LRRC4C: variants seen among roughly 807,000 people sequenced by gnomAD.
LRRC4C encodes leucine rich repeat containing 4C.
LRRC4C carries 5 observed loss-of-function variants against 33.6 expected under a neutral mutation model. That is an observed-to-expected ratio of 0.15 (90% CI 0.08 to 0.31). LRRC4C has a LOEUF of 0.31. Among genes scored for constraint, LRRC4C ranks in the 10% least tolerant of loss-of-function variants. The pLI is 1.00. For synonymous variants in LRRC4C, 329 were observed against 302.0 expected (o/e 1.09, Z -0.93); for missense variants, 560 against 796.7 (o/e 0.70, Z 3.58).
rs115537322 is a variant in LRRC4C, at chr11:41,284,964, C to G, written c.-496+174467G>C. On this transcript the variant is annotated intron_variant, in intron 1 of 6. Transcript: ENST00000528697. ...ACGGCTAAGGCAGGGGATTAGGGCTCTAATCATTTAGTTTCATCTAATTGG... is the reference window on the plus strand; with the variant it reads ...ACGGCTAAGGCAGGGGATTAGGGCTGTAATCATTTAGTTTCATCTAATTGG... 5.5e-3 allele frequency among the ~76,000 whole-genome samples: 835 copies of G among 152,256 alleles called. 9 individuals carry two copies. Among genetic ancestry groups the G allele is most frequent in the African/African-American group, 0.019 (777 of 41,542 alleles).
chr11:41,036,400 C>G (rs1303354491), intron 1 of LRRC4C, among the ~76,000 whole-genome samples: 1 of 151,744 alleles, frequency 6.6e-6, no homozygotes, highest in Non-Finnish European at 1.5e-5. Context: ...CACTTTCTTC[C>G]TTTCTCTCAG....
In LRRC4C at chr11:41,002,589, C is replaced by A. The variant is rs565546596; in HGVS notation, c.-495-68866G>T. ...GTAGTGAGAAAGAGCTAAAAATCAC[C>A]AAATTAAGGCCAGAATTACAAATAA... On this transcript the variant is annotated intron_variant, in intron 1 of 6. Transcript: ENST00000528697. 2.8e-4 allele frequency among the ~76,000 whole-genome samples: 42 copies of A among 152,248 alleles called. 1 individual carries two copies. In the South Asian group the frequency reaches 8.5e-3, roughly 31 times the overall value.
intron 5 of LRRC4C, among the ~76,000 whole-genome samples, chr11:40,191,051 GTACT>G (rs1200880586): frequency 6.6e-6 from 1 of 152,140 alleles, no homozygotes; most frequent in African/African-American, 2.4e-5. Context: ...TATTACTTGA[GTACT>G]TACTTAGCAT....
At chr11:40,626,770 T>C (rs1962967666) in intron 3 of LRRC4C, among the ~76,000 whole-genome samples, 1 of 152,182 alleles carries the variant, frequency 6.6e-6, no homozygotes, top group Admixed American at 6.5e-5. Flanking sequence ...AGTGATTTTG[T>C]TCAAATGACT....
chr11:40,812,358 T>A (rs1951526054), intron 2 of LRRC4C, among the ~76,000 whole-genome samples: 1 of 152,154 alleles, frequency 6.6e-6, no homozygotes, highest in Non-Finnish European at 1.5e-5. Flanking sequence ...GTTATATACA[T>A]CTTGTGAATG....
chr11:40,537,429 G>A (rs1393475792), intron 3 of LRRC4C, among the ~76,000 whole-genome samples: 2 of 152,146 alleles, frequency 1.3e-5, no homozygotes, highest in Non-Finnish European at 2.9e-5. Context: ...TGGCTCCCAA[G>A]GCCACAATTG....
At chr11:40,970,269 G>T (rs1314556351) in intron 1 of LRRC4C, among the ~76,000 whole-genome samples, 2 of 152,132 alleles carry the variant, frequency 1.3e-5, no homozygotes, top group South Asian at 2.1e-4. Context: ...AAAACTGATT[G>T]GTTCATGGGG....
At chr11:40,276,835 T>C (rs1943144367) in intron 4 of LRRC4C, among the ~76,000 whole-genome samples, 1 of 151,994 alleles carries the variant, frequency 6.6e-6, no homozygotes, top group South Asian at 2.1e-4. Flanking sequence ...TAAAGGGCGA[T>C]ATGCTGAAGG....
At chr11:41,136,355 G>A (rs2135875521) in intron 1 of LRRC4C, among the ~76,000 whole-genome samples, 1 of 152,158 alleles carries the variant, frequency 6.6e-6, no homozygotes, top group East Asian at 1.9e-4. Flanking sequence ...TAAAACTCAT[G>A]GTGCATTTCT....
intron 5 of LRRC4C, among the ~76,000 whole-genome samples, chr11:40,236,673 A>G (rs1214407895): frequency 1.3e-5 from 2 of 152,228 alleles, no homozygotes; most frequent in East Asian, 3.9e-4. Context: ...TAATAGCAAT[A>G]TGGAAGCCAC....
intron 3 of LRRC4C, among the ~76,000 whole-genome samples, chr11:40,414,671 T>TA (rs1950262397): frequency 6.6e-6 from 1 of 152,114 alleles, no homozygotes; most frequent in Non-Finnish European, 1.5e-5. Context: ...AAAAGACCTA[T>TA]AAAAATAGAA....
intron 1 of LRRC4C, among the ~76,000 whole-genome samples, chr11:41,157,393 T>C (rs1223312026): frequency 6.6e-6 from 1 of 152,106 alleles, no homozygotes; most frequent in Non-Finnish European, 1.5e-5. Context: ...GCGAGTTCTC[T>C]AAGGCTTTTG....
chr11:40,831,662 T>G (rs1952416425), intron 2 of LRRC4C, among the ~76,000 whole-genome samples: 1 of 152,088 alleles, frequency 6.6e-6, no homozygotes, highest in South Asian at 2.1e-4. Flanking sequence ...ATGGACTCAG[T>G]TCTACATGGC....
chr11:41,014,090 T>A (rs1855408039), intron 1 of LRRC4C, among the ~76,000 whole-genome samples: 2 of 152,140 alleles, frequency 1.3e-5, no homozygotes, highest in Non-Finnish European at 2.9e-5. Context: ...AGCACCTTCT[T>A]GCTTCATCTA....
chr11:40,750,531 A>G (rs1948634752), intron 2 of LRRC4C, among the ~76,000 whole-genome samples: 1 of 151,760 alleles, frequency 6.6e-6, no homozygotes. Context: ...GGAAACCATC[A>G]TTCTCAGCAA....
At chr11:40,494,261 C>G (rs1321993084) in intron 3 of LRRC4C, among the ~76,000 whole-genome samples, 1 of 152,122 alleles carries the variant, frequency 6.6e-6, no homozygotes, top group Admixed American at 6.6e-5. Flanking sequence ...TCTGACAGTA[C>G]TCAAACTGAA....
chr11:40,306,619 C>A (rs1489732498), intron 4 of LRRC4C, among the ~76,000 whole-genome samples: 2 of 152,186 alleles, frequency 1.3e-5, no homozygotes, highest in Non-Finnish European at 1.5e-5. Flanking sequence ...ATGGCTAATA[C>A]ACAGTCAAAA....
intron 3 of LRRC4C, among the ~76,000 whole-genome samples, chr11:40,338,689 A>G (rs1408380766): frequency 2.6e-5 from 4 of 152,162 alleles, no homozygotes; most frequent in African/African-American, 9.7e-5. Flanking sequence ...ATTTTTTTTA[A>G]AAATGAAAAT....
intron 1 of LRRC4C, among the ~76,000 whole-genome samples, chr11:41,385,423 A>G (rs1275477950): frequency 1.3e-5 from 2 of 151,772 alleles, no homozygotes; most frequent in South Asian, 2.1e-4. Context: ...GATACAGAGT[A>G]TAAAGATTGC....
Sources: allele counts gnomAD v4.1 joint callset (sites outside exome capture counted in the v4.1 genomes callset), GRCh38; gene constraint gnomAD v4.1.1; transcripts MANE v1.5; gene names NCBI Gene and HGNC (gene_info 2026-07-23, HGNC 2026-07-21).